NFATC3: variants seen among roughly 807,000 people sequenced by gnomAD.
NFATC3 encodes the protein nuclear factor of activated T-cells, cytoplasmic 3.
Under a neutral mutation model 98.6 loss-of-function variants are expected in NFATC3, and 46 were observed. The ratio of observed to expected loss-of-function variants is 0.47; its 90% CI spans 0.37 to 0.60. The LOEUF is 0.60. Ranked by LOEUF, NFATC3 falls within the 20% of genes least tolerant of loss-of-function variation. The pLI is 0.00. For missense variants in NFATC3, 1,256 were observed against 1,295.5 expected, an observed-to-expected ratio of 0.97 and a Z score of 0.47; for synonymous variants, 512 against 472.2, an observed-to-expected ratio of 1.08 and a Z score of -1.09.
At chr16:68,087,128 T>C (rs1746973955) in intron 1 of NFATC3, among the ~76,000 whole-genome samples, 2 of 152,212 alleles carry the variant, frequency 1.3e-5, no homozygotes, top group African/African-American at 4.8e-5. Flanking sequence ...AGCATTGAAT[T>C]GTATCTAGAT....
intron 4 of NFATC3, among the ~76,000 whole-genome samples, chr16:68,160,447 A>C (rs2038838469): frequency 6.6e-6 from 1 of 152,210 alleles, no homozygotes; most frequent in Non-Finnish European, 1.5e-5. Context: ...CCTGGGCGAC[A>C]GAGTGAGACT....
At chr16:68,218,867 C>T (rs530127377) in intron 9 of NFATC3, among the ~76,000 whole-genome samples, 1 of 151,626 alleles carries the variant, frequency 6.6e-6, no homozygotes, top group African/African-American at 2.4e-5. Context: ...CCACCACGCC[C>T]GGCCTAGATG....
At chr16:68,217,928 A>T (rs773666630) in intron 9 of NFATC3, 7 of 1,226,010 alleles carry the variant, frequency 5.7e-6, no homozygotes, top group Non-Finnish European at 7.1e-6. Flanking sequence ...CAGTGTGACT[A>T]ACTAAACCTC....
At position 68,122,938 on chromosome 16, in the gene NFATC3, C is replaced by G; in HGVS notation, c.1055C>G (p.Pro352Arg). 1.2e-6 allele frequency: 2 copies of G among 1,614,184 alleles called. No homozygotes were observed. The highest frequency in any genetic ancestry group is 1.3e-5 in the African/African-American group (1 of 75,044). Residue 352 changes from proline to arginine, a missense_variant, in exon 2 of 10, where the codon CCA becomes CGA. Physicochemically the swap from Pro to Arg is moderately radical, Grantham distance 103 (BLOSUM62 -2). Coordinates refer to ENST00000346183, the MANE Select transcript of NFATC3 (RefSeq NM_173165.3). ...KTSEDQAAILPGKLELCSDDQ... is the reference protein window; with the variant it reads ...KTSEDQAAILRGKLELCSDDQ... ...TCTGAAGATCAAGCTGCCATACTACCAGGAAAATTAGAGCTGTGTTCAGAT... is the reference window on the plus strand; with the variant it reads ...TCTGAAGATCAAGCTGCCATACTACGAGGAAAATTAGAGCTGTGTTCAGAT...
At chr16:68,181,600 A>G in intron 7 of NFATC3, 70 bp downstream of exon 7, 3 of 1,125,844 alleles carry the variant, frequency 2.7e-6, no homozygotes, top group South Asian at 2.5e-5. Flanking sequence ...ATGCTGCTTT[A>G]TGGTATGGAT....
rs565798914 is a variant in NFATC3 at position 68,216,137 on chromosome 16, C to T, written c.3107-10213C>T. On this transcript the variant is annotated intron_variant, in intron 9 of 9. Transcript: ENST00000346183. Reference sequence around the variant, plus strand: ...AAGGTGTTGAAGAGGTTCCAGAGCACAGGTAGTGGAATGGGTCCTGTGGAT... The same window carrying T: ...AAGGTGTTGAAGAGGTTCCAGAGCATAGGTAGTGGAATGGGTCCTGTGGAT... Among the ~76,000 whole-genome samples the T allele has an allele frequency of 1.8e-4, 27 of 152,216 alleles. No individual in the cohort carries two copies. The South Asian group carries it at 5.4e-3, about 30-fold the overall frequency.
intron 1 of NFATC3, among the ~76,000 whole-genome samples, chr16:68,090,889 C>T (rs972287138): frequency 4.6e-5 from 7 of 152,136 alleles, no homozygotes; most frequent in Admixed American, 3.3e-4. Flanking sequence ...ACGACTGAGT[C>T]GATAATAAAT....
chr16:68,203,350 A>C (rs891352378), intron 9 of NFATC3, among the ~76,000 whole-genome samples: 1 of 152,190 alleles, frequency 6.6e-6, no homozygotes, highest in African/African-American at 2.4e-5. Context: ...AGATTTATAC[A>C]TGACCAGGTG....
intron 1 of NFATC3, chr16:68,088,976 A>T (rs1021164714): frequency 1.0e-6 from 1 of 985,278 alleles, no homozygotes; most frequent in African/African-American, 1.7e-5. Flanking sequence ...ATATTTTGTT[A>T]AATAAGTGAA....
intron 9 of NFATC3, among the ~76,000 whole-genome samples, chr16:68,219,916 G>A (rs1213339103): frequency 1.3e-5 from 2 of 152,158 alleles, no homozygotes; most frequent in Non-Finnish European, 2.9e-5. Context: ...TTAAGCATGG[G>A]AAATAGCTCT....
rs2040023523 is a variant in NFATC3 at position 68,183,312 on chromosome 16, C to G, written c.2044C>G (p.Leu682Val). The G allele has an allele frequency of 6.2e-7, 1 of 1,613,314 alleles. No homozygotes were observed. The highest frequency in any genetic ancestry group is 1.1e-5 in the South Asian group (1 of 90,966). ...VTAAVQVHFY[L>V]CNGKRKKSQS... Reference sequence around the variant, plus strand: ...AGCTGCAGTGCAGGTGCACTTTTATCTTTGCAATGGCAAGAGGAAAAAAAG... The same window carrying G: ...AGCTGCAGTGCAGGTGCACTTTTATGTTTGCAATGGCAAGAGGAAAAAAAG... The change falls in exon 8 of 10, where the codon CTT becomes GTT. Residue 682 changes from leucine to valine, a missense_variant. By Grantham distance (32) the Leu-to-Val change is conservative (BLOSUM62 1). Transcript: ENST00000346183.
At chr16:68,213,644 A>G (rs1368105760) in intron 9 of NFATC3, among the ~76,000 whole-genome samples, 1 of 151,944 alleles carries the variant, frequency 6.6e-6, no homozygotes, top group African/African-American at 2.4e-5. Context: ...CCTGGCCAAC[A>G]TGGTTGAAAC....
chr16:68,130,136 T>C (rs1398020972), intron 3 of NFATC3, among the ~76,000 whole-genome samples: 2 of 152,236 alleles, frequency 1.3e-5, no homozygotes, highest in African/African-American at 4.8e-5. Flanking sequence ...ATCTTTTTAA[T>C]CTACTGATTT....
intron 9 of NFATC3, among the ~76,000 whole-genome samples, chr16:68,202,729 T>C (rs892237266): frequency 2.0e-5 from 3 of 152,052 alleles, no homozygotes; most frequent in African/African-American, 7.3e-5. Context: ...GGAGAATCGC[T>C]TGAACCTAGG....
intron 1 of NFATC3, among the ~76,000 whole-genome samples, chr16:68,113,402 C>A (rs368271040): frequency 3.3e-5 from 5 of 152,200 alleles, no homozygotes; most frequent in Non-Finnish European, 4.4e-5. Flanking sequence ...TCATCTACCC[C>A]CTCCTGCACC....
At chr16:68,192,520 TTTGCAAGATGAAGC>T (rs1164937966) in intron 9 of NFATC3, among the ~76,000 whole-genome samples, 5 of 151,878 alleles carry the variant, frequency 3.3e-5, no homozygotes, top group Non-Finnish European at 7.4e-5. Context: ...ATGCTGTCCT[TTTGCAAGATGAAGC>T]TAGATGCTGG....
At chr16:68,125,869 A>T (rs2036809441) in intron 2 of NFATC3, among the ~76,000 whole-genome samples, 1 of 151,974 alleles carries the variant, frequency 6.6e-6, no homozygotes, top group South Asian at 2.1e-4. Context: ...GATAAGATAG[A>T]TTTTTAAATT....
In NFATC3 at chr16:68,226,916, A is replaced by AG. The variant is rs1468801625; in HGVS notation, c.*445_*446insG. On this transcript the variant is annotated 3_prime_UTR_variant, in exon 10 of 10. Coordinates refer to ENST00000346183, the MANE Select transcript of NFATC3 (RefSeq NM_173165.3). The stretch of plus-strand genomic sequence containing the variant: ...TAGAAGCAAAAAAAAAAAAAAAAAA[A>AG]AAAAAAAGAAAAAAAAAGAAAAGAA... The AG allele has an allele frequency of 2.6e-5, 3 of 117,606 alleles. No homozygotes were observed. The highest frequency in any genetic ancestry group is 2.2e-4 in the East Asian group (1 of 4,604). The allele number at this position is 117,606 out of a possible 1,614,324, so 7.3% of individuals were successfully genotyped here.
intron 4 of NFATC3, among the ~76,000 whole-genome samples, chr16:68,160,245 T>C (rs762851293): frequency 3.9e-5 from 6 of 151,910 alleles, no homozygotes; most frequent in Non-Finnish European, 7.4e-5. Flanking sequence ...GGCAGATCAC[T>C]TGAGGGTCAG....
Sources: allele counts gnomAD v4.1 joint callset (sites outside exome capture counted in the v4.1 genomes callset), GRCh38; gene constraint gnomAD v4.1.1; transcripts MANE v1.5; gene names NCBI Gene and HGNC (gene_info 2026-07-23, HGNC 2026-07-21).